The following SYN3 variants were observed in gnomAD, a reference collection of about 807,000 sequenced individuals.
The protein encoded by SYN3 is synapsin III.
Under a neutral mutation model 65.8 loss-of-function variants are expected in SYN3, and 35 were observed. That is an observed-to-expected ratio of 0.53 (90% CI 0.41 to 0.70). SYN3 has a LOEUF of 0.70. Among genes scored for constraint, SYN3 ranks in the 30% least tolerant of loss-of-function variants. SYN3 has a pLI of 0.00. For synonymous variants in SYN3, 270 were observed against 292.9 expected (o/e 0.92, Z 0.80); for missense variants, 680 against 749.0 (o/e 0.91, Z 1.08).
intron 6 of SYN3, among the ~76,000 whole-genome samples, chr22:32,745,899 C>T (rs1017875484): frequency 4.6e-5 from 7 of 152,092 alleles, no homozygotes; most frequent in Non-Finnish European, 8.8e-5. Context: ...AGCGTGGTGC[C>T]GACCAGTCAT....
rs1338966983 is a variant in SYN3 at position 32,869,118 on chromosome 22, A to G, written c.469T>C (p.Phe157Leu). 1.2e-6 allele frequency: 2 copies of G among 1,613,186 alleles called. No homozygotes were observed. The highest frequency in any genetic ancestry group is 2.7e-5 in the African/African-American group (2 of 75,050). The part of the protein sequence containing the change: ...RNGTKVVSRS[F>L]KPDFILVRQH... ...CGGACCAGGATGAAGTCTGGCTTGA[A>G]GGATCTGCTGAGAAAGCCAACAGCA... Residue 157 changes from phenylalanine (F) to leucine (L), a missense_variant, in exon 5 of 14, where the codon TTC becomes CTC. Phe to Leu is a conservative substitution (Grantham distance 22). Coordinates refer to ENST00000358763, the MANE Select transcript of SYN3 (RefSeq NM_003490.4).
At chr22:32,989,835 C>CA (rs112695934) in intron 2 of SYN3, among the ~76,000 whole-genome samples, 19,103 of 87,936 alleles carry the variant, frequency 0.22, 2,248 homozygotes, top group East Asian at 0.44. Flanking sequence ...ACTCCATCTT[C>CA]AAAAAAAAAA....
At chr22:32,692,855 G>C (rs1310696277) in intron 6 of SYN3, among the ~76,000 whole-genome samples, 1 of 151,874 alleles carries the variant, frequency 6.6e-6, no homozygotes, top group Non-Finnish European at 1.5e-5. Flanking sequence ...ACATGTTTTC[G>C]GCATAAAGTG....
chr22:32,773,640 A>G lies in SYN3; in HGVS notation c.711+91275T>C, dbSNP rs563346754. Among the ~76,000 whole-genome samples the G allele has an allele frequency of 3.3e-5, 5 of 152,298 alleles. No individual in the cohort carries two copies. In the East Asian group the frequency reaches 9.7e-4, roughly 29 times the overall value. On this transcript the variant is annotated intron_variant, in intron 6 of 13. Coordinates refer to ENST00000358763, the MANE Select transcript of SYN3 (RefSeq NM_003490.4). ...TGAAGAAAAACACATCTGTTCAGCC[A>G]TATCTAGCCCTTGAGCCTCCAATTT... is the stretch of plus-strand genomic sequence containing the variant.
intron 1 of SYN3, among the ~76,000 whole-genome samples, chr22:33,049,788 G>C (rs1331412841): frequency 6.6e-6 from 1 of 152,180 alleles, no homozygotes; most frequent in South Asian, 2.1e-4. Context: ...CCATTGGGAA[G>C]GACTGCTAAC....
chr22:32,754,457 C>T (rs5998615), intron 6 of SYN3, among the ~76,000 whole-genome samples: 1 of 140,108 alleles, frequency 7.1e-6, no homozygotes, highest in Non-Finnish European at 1.6e-5. Context: ...TGGCCTCTTT[C>T]TTTTAAAAAA....
At chr22:32,893,462 G>A (rs959823385) in intron 4 of SYN3, among the ~76,000 whole-genome samples, 2 of 152,136 alleles carry the variant, frequency 1.3e-5, no homozygotes, top group Admixed American at 6.5e-5. Flanking sequence ...CAGTAACAGG[G>A]GCCCAGGATA....
intron 12 of SYN3, among the ~76,000 whole-genome samples, chr22:32,525,259 C>T (rs548126372): frequency 4.6e-4 from 70 of 152,154 alleles, no homozygotes; most frequent in African/African-American, 1.5e-3. Flanking sequence ...GTGAAGATGT[C>T]GTGGAAATAG....
chr22:32,883,793 C>G (rs2049211144), intron 4 of SYN3, among the ~76,000 whole-genome samples: 1 of 152,218 alleles, frequency 6.6e-6, no homozygotes, highest in African/African-American at 2.4e-5. Context: ...GTTTGAGATT[C>G]CTGTCCTATG....
rs1304373455 is a variant in SYN3, at chr22:32,973,537, C to A, written c.369+7108G>T. Among the ~76,000 whole-genome samples, 2 of 152,196 alleles carry A rather than the reference C, an allele frequency of 1.3e-5. 1 individual carries two copies. Among genetic ancestry groups the A allele is most frequent in the East Asian group, 3.8e-4 (2 of 5,196 alleles). ...CACAGCATTTCCAGCACAGGAGGCG[C>A]CCTACCTACAAAAAAGGCATGGCCC... On this transcript the variant is annotated intron_variant, in intron 3 of 13. Coordinates refer to ENST00000358763, the MANE Select transcript of SYN3 (RefSeq NM_003490.4).
At chr22:32,657,812 C>G (rs1308176136) in intron 6 of SYN3, among the ~76,000 whole-genome samples, 1 of 152,216 alleles carries the variant, frequency 6.6e-6, no homozygotes, top group Non-Finnish European at 1.5e-5. Context: ...AGACCTACAG[C>G]CCCCCAGTGG....
intron 6 of SYN3, among the ~76,000 whole-genome samples, chr22:32,853,546 A>G (rs2048282078): frequency 6.6e-6 from 1 of 152,200 alleles, no homozygotes; most frequent in South Asian, 2.1e-4. Flanking sequence ...AAGGGAAGCT[A>G]ACATCTTGGA....
chr22:33,028,673 G>GTGGTGGTGGTGGTGGTGGTGGTGGTGA (rs1569413441), intron 1 of SYN3, among the ~76,000 whole-genome samples: 1 of 113,386 alleles, frequency 8.8e-6, no homozygotes, highest in African/African-American at 3.5e-5. Context: ...GGTGGTGGTG[G>GTGGTGGTGGTGGTGGTGGTGGTGGTGA]TGGTGGTGGT....
intron 6 of SYN3, among the ~76,000 whole-genome samples, chr22:32,851,231 C>A (rs1401555313): frequency 6.6e-6 from 1 of 152,172 alleles, no homozygotes; most frequent in Non-Finnish European, 1.5e-5. Context: ...AACACACGAA[C>A]CTGCCTGGTC....
intron 4 of SYN3, among the ~76,000 whole-genome samples, chr22:32,891,732 C>T (rs796721752): frequency 1.1e-4 from 17 of 152,208 alleles, no homozygotes; most frequent in African/African-American, 3.6e-4. Context: ...CCAAGGCAGG[C>T]AGCAGGTGCT....
At chr22:32,609,165 A>G (rs1321287464) in intron 6 of SYN3, among the ~76,000 whole-genome samples, 1 of 152,012 alleles carries the variant, frequency 6.6e-6, no homozygotes, top group African/African-American at 2.4e-5. Context: ...TCTACTAAAA[A>G]TACAAAAAAT....
intron 13 of SYN3, among the ~76,000 whole-genome samples, chr22:32,515,339 C>T (rs1261778755): frequency 2.0e-5 from 3 of 152,218 alleles, no homozygotes; most frequent in Non-Finnish European, 4.4e-5. Context: ...GCATTCTAAG[C>T]ACCAACTGTG....
intron 8 of SYN3, 108 bp from the exon 9 acceptor site, chr22:32,538,218 A>C: frequency 2.2e-6 from 2 of 902,158 alleles, no homozygotes; most frequent in Non-Finnish European, 3.7e-6. Flanking sequence ...TAACTGGCTC[A>C]CGTAATGGCA....
chr22:32,742,076 A>C (rs1174085159), intron 6 of SYN3, among the ~76,000 whole-genome samples: 12 of 151,936 alleles, frequency 7.9e-5, no homozygotes, highest in African/African-American at 2.9e-4. Flanking sequence ...GATCGAGACC[A>C]TCCTGGCTAA....
Sources: gnomAD v4.1 joint callset for allele counts (sites outside exome capture counted in the v4.1 genomes callset) on GRCh38, gnomAD v4.1.1 for gene constraint, MANE v1.5 for transcripts, NCBI Gene and HGNC (gene_info 2026-07-23, HGNC 2026-07-21) for gene names.